Variants in SDK2 observed in about 807,000 individuals in gnomAD.
SDK2 encodes protein sidekick-2.
A neutral mutation model predicts 253.9 loss-of-function variants in SDK2; 105 were observed. The observed-to-expected ratio is 0.41, with a 90% CI of 0.35 to 0.49. The LOEUF (loss-of-function observed/expected upper bound fraction) is 0.49. SDK2 is among the 20% of genes least tolerant of loss of function. The probability of loss-of-function intolerance (pLI) is 0.06; values close to 1 mark genes in which losing one functional copy is unlikely to be tolerated. For missense variants in SDK2, 2,608 were observed against 3,003.0 expected, an observed-to-expected ratio of 0.87 and a Z score of 3.07; for synonymous variants, 1,249 against 1,234.9, an observed-to-expected ratio of 1.01 and a Z score of -0.24.
At chr17:73,538,987 T>C (rs992185920) in intron 1 of SDK2, among the ~76,000 whole-genome samples, 1 of 152,166 alleles carries the variant, frequency 6.6e-6, no homozygotes, top group Non-Finnish European at 1.5e-5. Context: ...ATCTCCTTTG[T>C]AGACCCTGGG....
At position 73,416,199 on chromosome 17, in the gene SDK2, A is replaced by ATTT. The variant is rs55713710; in HGVS notation, c.2187-210_2187-208dup. 1.3e-4 allele frequency among the ~76,000 whole-genome samples: 16 copies of ATTT among 120,310 alleles called. 1 individual carries two copies. Among genetic ancestry groups the ATTT allele is most frequent in the African/African-American group, 4.7e-4 (15 of 31,694 alleles). 78.9% of individuals were successfully genotyped at this position (120,310 alleles called of 152,430 possible). On this transcript the variant is annotated intron_variant, in intron 16 of 44. Coordinates refer to ENST00000392650, the MANE Select transcript of SDK2 (RefSeq NM_001144952.2). ...TAGTGCAACCGAAGAAATGAATTCA[A>ATTT]TTTTTTTTTTTTTTTGAGACGGAGT...
intron 40 of SDK2, among the ~76,000 whole-genome samples, chr17:73,354,894 A>G (rs2145406592): frequency 6.6e-6 from 1 of 151,852 alleles, no homozygotes; most frequent in African/African-American, 2.4e-5. Flanking sequence ...TTTCCTCACC[A>G]TACTTTCTCA....
chr17:73,371,552 G>A (rs935669783), intron 36 of SDK2, among the ~76,000 whole-genome samples: 3 of 152,146 alleles, frequency 2.0e-5, no homozygotes, highest in African/African-American at 7.2e-5. Context: ...GAACCTATTT[G>A]GAGCGAGTTC....
intron 2 of SDK2, among the ~76,000 whole-genome samples, chr17:73,484,361 G>A (rs2063757308): frequency 6.6e-6 from 1 of 152,200 alleles, no homozygotes. Context: ...ACTTCTCCGG[G>A]CTCACTCCAG....
rs545981437 is a variant in SDK2 at position 73,367,521 on chromosome 17, A to G, written c.5167+886T>C. On this transcript the variant is annotated intron_variant, in intron 37 of 44. Transcript: ENST00000392650. Reference sequence around the variant, plus strand: ...GCCTCTTGTCTTTTTTTTTTTTGGGACAGAGTCTTACTCTGTCACCCAGGC... The same window carrying G: ...GCCTCTTGTCTTTTTTTTTTTTGGGGCAGAGTCTTACTCTGTCACCCAGGC... Among the ~76,000 whole-genome samples, 3 of 146,858 alleles carry G rather than the reference A, an allele frequency of 2.0e-5. No homozygotes were observed. In the South Asian group the frequency reaches 6.5e-4, roughly 32 times the overall value.
chr17:73,368,385 T>A (rs1330901506), intron 37 of SDK2, 22 bp downstream of exon 37: 1 of 1,472,972 alleles, frequency 6.8e-7, no homozygotes, highest in South Asian at 1.4e-5. Context: ...ACCCCTCCCC[T>A]CCTCAGGGCC....
chr17:73,492,374 G>A (rs919709588), intron 2 of SDK2, among the ~76,000 whole-genome samples: 1 of 152,098 alleles, frequency 6.6e-6, no homozygotes, highest in Non-Finnish European at 1.5e-5. Flanking sequence ...TTTGAGTGCC[G>A]CGGTGGCTGG....
At chr17:73,552,439 C>T (rs1056822896) in intron 1 of SDK2, among the ~76,000 whole-genome samples, 1 of 152,198 alleles carries the variant, frequency 6.6e-6, no homozygotes, top group African/African-American at 2.4e-5. Flanking sequence ...ATCTGTGTCA[C>T]GCATTGAAAC....
intron 37 of SDK2, among the ~76,000 whole-genome samples, chr17:73,366,498 G>A (rs1390570961): frequency 6.6e-6 from 1 of 152,192 alleles, no homozygotes. Context: ...TGTGCCCTCT[G>A]CAGCTCTTTA....
intron 2 of SDK2, among the ~76,000 whole-genome samples, chr17:73,495,550 G>A (rs1445814697): frequency 6.6e-6 from 1 of 152,196 alleles, no homozygotes; most frequent in Non-Finnish European, 1.5e-5. Context: ...GCTGTGGCCT[G>A]AGGATCCTCA....
chr17:73,444,246 A>G (rs1443064302), intron 5 of SDK2, among the ~76,000 whole-genome samples: 1 of 152,182 alleles, frequency 6.6e-6, no homozygotes, highest in East Asian at 1.9e-4. Flanking sequence ...GGTACCGGGC[A>G]AGGCCTCAGG....
intron 1 of SDK2, among the ~76,000 whole-genome samples, chr17:73,538,132 C>T (rs776266526): frequency 3.9e-5 from 6 of 152,164 alleles, no homozygotes; most frequent in Non-Finnish European, 8.8e-5. Flanking sequence ...GCTGGAAAGG[C>T]TCAGTGAATA....
At chr17:73,369,584 G>A (rs2062717507) in intron 36 of SDK2, among the ~76,000 whole-genome samples, 1 of 152,234 alleles carries the variant, frequency 6.6e-6, no homozygotes, top group South Asian at 2.1e-4. Context: ...CAGGTACTTG[G>A]CCAGTTTCCT....
At chr17:73,606,149 C>T (rs931558153) in intron 1 of SDK2, among the ~76,000 whole-genome samples, 1 of 152,154 alleles carries the variant, frequency 6.6e-6, no homozygotes, top group Admixed American at 6.5e-5. Flanking sequence ...ATGCTTGTTG[C>T]TTATTATTAC....
intron 1 of SDK2, chr17:73,517,736 A>C (rs2145779949): frequency 6.6e-6 from 1 of 152,380 alleles, no homozygotes; most frequent in Non-Finnish European, 1.5e-5. Flanking sequence ...ATTCCACAGA[A>C]GGCAGCATGG....
At chr17:73,509,823 T>C (rs536411292) in intron 1 of SDK2, among the ~76,000 whole-genome samples, 5 of 138,954 alleles carry the variant, frequency 3.6e-5, no homozygotes, top group Non-Finnish European at 7.6e-5. Flanking sequence ...TCGCTTAAAC[T>C]CAGGAGGCGG....
intron 1 of SDK2, among the ~76,000 whole-genome samples, chr17:73,552,097 C>T (rs776892891): frequency 6.6e-5 from 10 of 152,168 alleles, no homozygotes; most frequent in Non-Finnish European, 1.2e-4. Context: ...AGCCTGTCCC[C>T]CCTGTCTGGG....
intron 1 of SDK2, among the ~76,000 whole-genome samples, chr17:73,572,138 G>A (rs1004359239): frequency 6.6e-6 from 1 of 152,196 alleles, no homozygotes; most frequent in Non-Finnish European, 1.5e-5. Flanking sequence ...AATCAGAGCT[G>A]TCCAAATGGT....
intron 2 of SDK2, among the ~76,000 whole-genome samples, chr17:73,502,011 G>A (rs1397286303): frequency 6.6e-6 from 1 of 152,030 alleles, no homozygotes; most frequent in Non-Finnish European, 1.5e-5. Flanking sequence ...AATGATGGAT[G>A]TGGACCCACA....
Sources: allele counts gnomAD v4.1 joint callset (sites outside exome capture counted in the v4.1 genomes callset), GRCh38; gene constraint gnomAD v4.1.1; transcripts MANE v1.5; gene names NCBI Gene and HGNC (gene_info 2026-07-23, HGNC 2026-07-21).